Variants in SH3PXD2A observed in about 807,000 individuals in gnomAD.
SH3PXD2A encodes SH3 and PX domains 2A.
SH3PXD2A carries 32 observed loss-of-function variants against 115.2 expected under a neutral mutation model. The ratio of observed to expected loss-of-function variants is 0.28; its 90% CI spans 0.21 to 0.37. The LOEUF is 0.37. Ranked by LOEUF, SH3PXD2A falls within the 10% of genes least tolerant of loss-of-function variation. The pLI is 1.00. For missense variants in SH3PXD2A, 1,328 were observed against 1,498.7 expected (o/e 0.89, Z 1.88); for synonymous variants, 610 against 629.1 (o/e 0.97, Z 0.45).
chr10:103,814,453 A>G (rs1441304262), intron 1 of SH3PXD2A, among the ~76,000 whole-genome samples: 1 of 152,250 alleles, frequency 6.6e-6, no homozygotes, highest in Admixed American at 6.5e-5. Flanking sequence ...AAAGGAAGGC[A>G]GTGGATAACG....
chr10:103,782,938 G>T (rs920677827), intron 2 of SH3PXD2A, among the ~76,000 whole-genome samples: 1 of 148,686 alleles, frequency 6.7e-6, no homozygotes, highest in Non-Finnish European at 1.5e-5. Flanking sequence ...TGCCTTGGGG[G>T]GGGGGGCTCT....
At chr10:103,816,142 T>C (rs898138990) in intron 1 of SH3PXD2A, among the ~76,000 whole-genome samples, 1 of 152,148 alleles carries the variant, frequency 6.6e-6, no homozygotes, top group Admixed American at 6.5e-5. Context: ...AGAGTAGATT[T>C]TAGTGCTCAC....
In SH3PXD2A at chr10:103,844,311, C is replaced by T. The variant is rs150754665; in HGVS notation, c.72+10884G>A. 1.5e-3 allele frequency among the ~76,000 whole-genome samples: 232 copies of T among 152,322 alleles called. 2 individuals carry two copies. The highest frequency in any genetic ancestry group is 5.4e-3 in the African/African-American group (223 of 41,576). On this transcript the variant is annotated intron_variant, in intron 1 of 14. Coordinates refer to ENST00000369774, the MANE Select transcript of SH3PXD2A (RefSeq NM_001394015.1). ...GGCAGAATTCAGGACAGAGTTTCAC[C>T]CTCTCGGAGCTCCACTGCCAGCCCC...
At position 103,847,893 on chromosome 10, in the gene SH3PXD2A, C is replaced by G. The variant is rs563054505; in HGVS notation, c.72+7302G>C. 6.6e-5 allele frequency among the ~76,000 whole-genome samples: 10 copies of G among 151,686 alleles called. No individual in the cohort carries two copies. The South Asian group carries it at 2.1e-3, about 32-fold the overall frequency. ...GGCGGAGGCTGCAGTGAACCGAGAT[C>G]GCACCACTGCACTCCAGCCTGGGTG... On this transcript the variant is annotated intron_variant, in intron 1 of 14. Coordinates refer to ENST00000369774, the MANE Select transcript of SH3PXD2A (RefSeq NM_001394015.1).
chr10:103,837,228 T>C (rs1198056912), intron 1 of SH3PXD2A, among the ~76,000 whole-genome samples: 1 of 152,248 alleles, frequency 6.6e-6, no homozygotes, highest in Admixed American at 6.5e-5. Context: ...GTTTCTTATC[T>C]GACTCCTCTC....
intron 2 of SH3PXD2A, among the ~76,000 whole-genome samples, chr10:103,787,978 TCAC>T (rs913337038): frequency 4.6e-5 from 7 of 152,166 alleles, no homozygotes; most frequent in South Asian, 4.1e-4. Context: ...GTCTGTCTCC[TCAC>T]CAGCCCCAAA....
At chr10:103,815,982 G>A (rs2134283337) in intron 1 of SH3PXD2A, among the ~76,000 whole-genome samples, 1 of 152,244 alleles carries the variant, frequency 6.6e-6, no homozygotes, top group Admixed American at 6.5e-5. Flanking sequence ...AGAGAAGGGT[G>A]GTGACAGGGG....
At chr10:103,637,172 G>A (rs997519637) in intron 8 of SH3PXD2A, among the ~76,000 whole-genome samples, 14 of 152,234 alleles carry the variant, frequency 9.2e-5, no homozygotes, top group African/African-American at 2.7e-4. Flanking sequence ...CATGGCACAC[G>A]CGGGGTTCGA....
chr10:103,701,174 ATCCACCAT>A lies in SH3PXD2A; in HGVS notation c.399-8126_399-8119del, dbSNP rs780367753. ...CATCCATCCATCCATCCATCCATCC[ATCCACCAT>A]CCATCCATCCATCCATCATCCATTT... On this transcript the variant is annotated intron_variant, in intron 5 of 14. Transcript: ENST00000369774. 9.7e-4 allele frequency among the ~76,000 whole-genome samples: 134 copies of A among 138,302 alleles called. 5 individuals are homozygous for A. The highest frequency in any genetic ancestry group is 2.1e-3 in the African/African-American group (73 of 35,072). 90.7% of individuals were successfully genotyped at this position (138,302 alleles called of 152,430 possible).
In SH3PXD2A at chr10:103,746,569, A is replaced by T. The variant is rs1196967412; in HGVS notation, c.230-10761T>A. 6.6e-6 allele frequency among the ~76,000 whole-genome samples: 1 copy of T among 152,180 alleles called. No individual in the cohort carries two copies. The highest frequency in any genetic ancestry group is 1.5e-5 in the Non-Finnish European group (1 of 68,028). ...ACTCCTGGGCTCAAGCGATCCTCCC[A>T]GAGTACTGGGATTACAGACGTGAGC... On this transcript the variant is annotated intron_variant, in intron 3 of 14. Coordinates refer to ENST00000369774, the MANE Select transcript of SH3PXD2A (RefSeq NM_001394015.1). This position sits in a 1 kb window ranked among gnomAD's most constrained non-coding sequence, Gnocchi z 4.4.
intron 2 of SH3PXD2A, among the ~76,000 whole-genome samples, chr10:103,796,398 A>AG (rs970167612): frequency 6.7e-5 from 10 of 148,420 alleles, no homozygotes; most frequent in African/African-American, 2.2e-4. Flanking sequence ...AAAAAAAAAA[A>AG]AGAGAGAGAG....
In SH3PXD2A at chr10:103,703,487, C is replaced by T. The variant is rs1207444758; in HGVS notation, c.399-10431G>A. On this transcript the variant is annotated intron_variant, in intron 5 of 14. Transcript: ENST00000369774. ...CCCTCCTGCCCTGCCTAGTGTTTCA[C>T]AACTTTCAAGGCCTAAGGAAGGGGC... 2.0e-5 allele frequency among the ~76,000 whole-genome samples: 3 copies of T among 152,308 alleles called. No homozygotes were observed. In the East Asian group the frequency reaches 5.8e-4, roughly 29 times the overall value.
At chr10:103,662,361 G>GGGT (rs2037321883) in intron 7 of SH3PXD2A, among the ~76,000 whole-genome samples, 1 of 104,482 alleles carries the variant, frequency 9.6e-6, no homozygotes, top group Non-Finnish European at 1.9e-5. Flanking sequence ...GGCGGGGGGG[G>GGGT]ATAAGACACT....
At chr10:103,813,831 C>T (rs1400930221) in intron 1 of SH3PXD2A, among the ~76,000 whole-genome samples, 1 of 151,992 alleles carries the variant, frequency 6.6e-6, no homozygotes, top group Non-Finnish European at 1.5e-5. Flanking sequence ...CCTGGCTGTA[C>T]ATTACAATCA....
intron 2 of SH3PXD2A, among the ~76,000 whole-genome samples, chr10:103,780,767 T>G (rs1045049269): frequency 1.3e-5 from 2 of 152,214 alleles, no homozygotes; most frequent in Non-Finnish European, 2.9e-5. Context: ...CCAAGATACA[T>G]GTGAAACCTC....
intron 1 of SH3PXD2A, among the ~76,000 whole-genome samples, chr10:103,843,419 C>T (rs1413424956): frequency 6.7e-6 from 1 of 148,358 alleles, no homozygotes; most frequent in Non-Finnish European, 1.5e-5. Flanking sequence ...CTCCCTACCA[C>T]AGTGCCATGC....
chr10:103,851,148 G>GAA lies in SH3PXD2A; in HGVS notation c.72+4045_72+4046dup, dbSNP rs11357351. ...GCTGGAGTCACAATCTAAGGGCTGA[G>GAA]AAAAAAAAAAAAAAAGAAGGGCACA... On this transcript the variant is annotated intron_variant, in intron 1 of 14. Coordinates refer to ENST00000369774, the MANE Select transcript of SH3PXD2A (RefSeq NM_001394015.1). Among the ~76,000 whole-genome samples, 964 of 140,488 alleles carry GAA rather than the reference G, an allele frequency of 6.9e-3. 4 individuals are homozygous for GAA. Among genetic ancestry groups the GAA allele is most frequent in the Middle Eastern group, 0.015 (4 of 274 alleles). 92.2% of individuals were successfully genotyped at this position (140,488 alleles called of 152,430 possible).
chr10:103,772,519 T>C, intron 2 of SH3PXD2A, among the ~76,000 whole-genome samples: 1 of 152,122 alleles, frequency 6.6e-6, no homozygotes, highest in East Asian at 1.9e-4. Flanking sequence ...CTGGCTGGAG[T>C]GAGAGGCATT....
chr10:103,776,966 A>G (rs755073167), intron 2 of SH3PXD2A, among the ~76,000 whole-genome samples: 1 of 152,256 alleles, frequency 6.6e-6, no homozygotes, highest in Non-Finnish European at 1.5e-5. Flanking sequence ...CATAACCATT[A>G]AAAGATAAAT....
Sources: gnomAD v4.1 joint callset for allele counts (sites outside exome capture counted in the v4.1 genomes callset) on GRCh38, gnomAD v4.1.1 for gene constraint, Gnocchi (gnomAD v3.1) non-coding constraint, MANE v1.5 for transcripts, NCBI Gene and HGNC (gene_info 2026-07-23, HGNC 2026-07-21) for gene names.